Variants in DMPK observed in about 807,000 individuals in gnomAD.
The protein encoded by DMPK is DM1 protein kinase.
In DMPK, 32 loss-of-function variants were observed where a neutral mutation model predicts 70.3. The observed-to-expected ratio is 0.46, with a 90% CI of 0.34 to 0.61. The LOEUF is 0.61. DMPK is among the 20% of genes least tolerant of loss of function. The pLI is 0.01. For synonymous variants in DMPK, 469 were observed against 390.9 expected (o/e 1.20, Z -2.36); for missense variants, 899 against 886.0 (o/e 1.01, Z -0.19).
At chr19:45,778,743 G>A (rs1969930161) in intron 4 of DMPK, 102 bp from the exon 5 acceptor site, 3 of 1,253,752 alleles carry the variant, frequency 2.4e-6, no homozygotes, top group Non-Finnish European at 3.3e-6. Flanking sequence ...TCCTTGGGCA[G>A]AGACCTGCAG....
intron 14 of DMPK, 47 bp downstream of exon 14, chr19:45,770,924 G>T: frequency 7.5e-7 from 1 of 1,337,546 alleles, no homozygotes; most frequent in Non-Finnish European, 9.8e-7. Flanking sequence ...GGGGCGGGTG[G>T]AGCGCGGGGC....
chr19:45,782,484 C>A lies in DMPK; in HGVS notation c.-132G>T, dbSNP rs1970181800. Reference sequence around the variant, plus strand: ...TGCCTGTCCCTGGCTGTCCCCTGGGCCTCTCTGGCCACTTCTCTCTGCGGC... The same window carrying A: ...TGCCTGTCCCTGGCTGTCCCCTGGGACTCTCTGGCCACTTCTCTCTGCGGC... On this transcript the variant is annotated 5_prime_UTR_variant, in exon 1 of 15. Coordinates refer to ENST00000291270, the MANE Select transcript of DMPK (RefSeq NM_004409.5). 1.9e-6 allele frequency: 2 copies of A among 1,044,858 alleles called. No homozygotes were observed. The highest frequency in any genetic ancestry group is 2.7e-6 in the Non-Finnish European group (2 of 753,236). The allele number at this position is 1,044,858 out of a possible 1,614,324, so 64.7% of individuals were successfully genotyped here.
At position 45,778,808 on chromosome 19, in the gene DMPK, CG is replaced by C. The variant is rs1969935925; in HGVS notation, c.433-168del. 5 of 684,576 alleles carry C rather than the reference CG, an allele frequency of 7.3e-6. No individual in the cohort carries two copies. In the South Asian group the frequency reaches 8.3e-5, roughly 11 times the overall value. The allele number at this position is 684,576 out of a possible 1,614,324, so 42.4% of individuals were successfully genotyped here. A position where few individuals can be genotyped will look rare whatever the true frequency, so the allele number is the denominator to read the frequency against. ...GCCGGGCCAAATCAGAGACCACCTGCGGCCCCCGCCCCCGCCCCTCAAAAAA... is the reference window on the plus strand; with the variant it reads ...GCCGGGCCAAATCAGAGACCACCTGCGCCCCCGCCCCCGCCCCTCAAAAAA... On this transcript the variant is annotated intron_variant, in intron 4 of 14. Transcript: ENST00000291270.
Sources: allele counts gnomAD v4.1 joint callset, GRCh38; gene constraint gnomAD v4.1.1; transcripts MANE v1.5; gene names NCBI Gene and HGNC (gene_info 2026-07-23, HGNC 2026-07-21).